Variants in MCRIP1 observed in about 807,000 individuals in gnomAD.
The protein encoded by MCRIP1 is mapk-regulated corepressor-interacting protein 1.
In MCRIP1, 10 loss-of-function variants were observed where a neutral mutation model predicts 14.4. That is an observed-to-expected ratio of 0.70 (90% confidence interval 0.43 to 1.18). The LOEUF (loss-of-function observed/expected upper bound fraction) is 1.18. Ranked by LOEUF, MCRIP1 falls within the 50% of genes most tolerant of loss-of-function variation. MCRIP1 has a pLI of 0.00. For synonymous variants in MCRIP1, 53 were observed against 55.7 expected (o/e 0.95, Z 0.21); for missense variants, 119 against 135.4 (o/e 0.88, Z 0.60).
Position 81,823,692 on chromosome 17 carries a change from C to T in MCRIP1, c.128-179G>A. 2 of 620,232 alleles carry T rather than the reference C, an allele frequency of 3.2e-6. No homozygotes were observed. Among genetic ancestry groups the T allele is most frequent in the Non-Finnish European group, 5.7e-6 (2 of 349,438 alleles). The allele number at this position is 620,232 out of a possible 1,614,324, so 38.4% of individuals were successfully genotyped here. On this transcript the variant is annotated intron_variant, in intron 3 of 4. Coordinates refer to ENST00000455127, the MANE Select transcript of MCRIP1 (RefSeq NM_207368.5). This position sits in a 1 kb window ranked among gnomAD's most constrained non-coding sequence, Gnocchi z 6.0. Reference sequence around the variant, plus strand: ...GCCTCACTCACCTGCAGACCCCGTCCCCGCTCCTCTGGCAGGCCTGTCCCT... The same window carrying T: ...GCCTCACTCACCTGCAGACCCCGTCTCCGCTCCTCTGGCAGGCCTGTCCCT...
At chr17:81,825,537 C>G in intron 1 of MCRIP1, 1 of 1,278,868 alleles carries the variant, frequency 7.8e-7, no homozygotes, top group Non-Finnish European at 1.0e-6. Context: ...CACACGGCTG[C>G]AGCCCTCACA....
At position 81,823,934 on chromosome 17, in the gene MCRIP1, G is replaced by C. The variant is rs1323951716; in HGVS notation, c.127+353C>G. 1.9e-6 allele frequency: 1 copy of C among 513,410 alleles called. No homozygotes were observed. Among genetic ancestry groups the C allele is most frequent in the Non-Finnish European group, 3.4e-6 (1 of 289,858 alleles). The allele number at this position is 513,410 out of a possible 1,614,324, so 31.8% of individuals were successfully genotyped here. On this transcript the variant is annotated intron_variant, in intron 3 of 4. Transcript: ENST00000455127. The surrounding 1 kb of genome is among the most constrained non-coding windows in gnomAD (Gnocchi z 6.0). ...AACACGCCCGTTCATGGCTGGATGC[G>C]TGCCTGTCTGTCTTCAAAGGCCCCT...
Position 81,824,399 on chromosome 17 carries a change from G to A in MCRIP1, c.15C>T (p.Pro5=), listed in dbSNP as rs565570218. The A allele has an allele frequency of 4.9e-5, 75 of 1,533,732 alleles. No homozygotes were observed. In the Admixed American group the frequency reaches 7.7e-4, roughly 16 times the overall value. The change falls in exon 3 of 5, where the codon CCC becomes CCT. Residue 5 remains proline, a synonymous_variant. Coordinates refer to ENST00000455127, the MANE Select transcript of MCRIP1 (RefSeq NM_207368.5). The part of the protein sequence containing the change: MTSS[P]VSRVVYNGKR... ...TGCCGTTGTACACGACTCTGGAGACGGGGGAGCTGGGGGAGCCTGGCGCAT... is the reference window on the plus strand; with the variant it reads ...TGCCGTTGTACACGACTCTGGAGACAGGGGAGCTGGGGGAGCCTGGCGCAT...
chr17:81,827,614 G>T (rs1249719367), intron 1 of MCRIP1, among the ~76,000 whole-genome samples: 1 of 151,744 alleles, frequency 6.6e-6, no homozygotes, highest in East Asian at 2.0e-4. Flanking sequence ...TTTGGCAGGA[G>T]TGATGGCTGA....
At position 81,824,523 on chromosome 17, in the gene MCRIP1, C is replaced by A; in HGVS notation, c.-17G>T. ...CCTGGTCATCGCGGGGGCGTCTGAT[C>A]CTAGCGCTCCACCGCCAGATCCCCT... On this transcript the variant is annotated 5_prime_UTR_variant, in exon 2 of 5. Coordinates refer to ENST00000455127, the MANE Select transcript of MCRIP1 (RefSeq NM_207368.5). 2 of 1,536,032 alleles carry A rather than the reference C, an allele frequency of 1.3e-6. No homozygotes were observed. The highest frequency in any genetic ancestry group is 1.7e-4 in the Middle Eastern group (1 of 5,986).
intron 1 of MCRIP1, chr17:81,826,276 C>A: frequency 1.3e-6 from 2 of 1,534,186 alleles, no homozygotes; most frequent in Non-Finnish European, 1.7e-6. Flanking sequence ...CCTGCACACA[C>A]CTTAGCTGAA....
At chr17:81,827,350 CA>C (rs2038428946) in intron 1 of MCRIP1, among the ~76,000 whole-genome samples, 1 of 151,600 alleles carries the variant, frequency 6.6e-6, no homozygotes, top group Non-Finnish European at 1.5e-5. Context: ...TGGCTCACTG[CA>C]AGCTCCGCCT....
Position 81,824,824 on chromosome 17 carries a change from C to T in MCRIP1, c.-48-270G>A. On this transcript the variant is annotated intron_variant, in intron 1 of 4. Coordinates refer to ENST00000455127, the MANE Select transcript of MCRIP1 (RefSeq NM_207368.5). ...TCAAGCCCGCTCAGCGGCCTTGATC[C>T]TCCACGTCTCAGGCTCAGACGTGGA... 3.7e-6 allele frequency: 5 copies of T among 1,344,416 alleles called. No individual in the cohort carries two copies. The South Asian group carries it at 9.7e-5, about 26-fold the overall frequency. The allele number at this position is 1,344,416 out of a possible 1,614,324, so 83.3% of individuals were successfully genotyped here.
At chr17:81,825,981 C>T (rs1484036054) in intron 1 of MCRIP1, 1 of 1,336,636 alleles carries the variant, frequency 7.5e-7, no homozygotes, top group Non-Finnish European at 9.8e-7. Context: ...CCTGCCTCGC[C>T]CCCTGCTGGC....
At chr17:81,830,978 C>T (rs1345609419) in intron 1 of MCRIP1, among the ~76,000 whole-genome samples, 3 of 151,860 alleles carry the variant, frequency 2.0e-5, no homozygotes, top group Non-Finnish European at 4.4e-5. Flanking sequence ...CCAGCCTGGC[C>T]AACATACAGT....
At chr17:81,825,681 TC>T in intron 1 of MCRIP1, 1 of 1,289,208 alleles carries the variant, frequency 7.8e-7, no homozygotes, top group Non-Finnish European at 1.0e-6. Flanking sequence ...GAAAACCAGC[TC>T]CCAGCCCTGG....
chr17:81,824,351 G>A lies in MCRIP1; in HGVS notation c.63C>T (p.Ser21=). The A allele has an allele frequency of 1.3e-6, 2 of 1,530,166 alleles. No homozygotes were observed. Among genetic ancestry groups the A allele is most frequent in the South Asian group, 1.2e-5 (1 of 83,522 alleles). The allele number at this position is 1,530,166 out of a possible 1,614,324, so 94.8% of individuals were successfully genotyped here. The change falls in exon 3 of 5, where the codon TCC becomes TCT. Residue 21 remains serine (S), a synonymous_variant. Coordinates refer to ENST00000455127, the MANE Select transcript of MCRIP1 (RefSeq NM_207368.5). ...YNGKRTSSPR[S]PPSSSEIFTP... is the part of the protein sequence containing the mutation. Reference sequence around the variant, plus strand: ...TGAAGATCTCGCTGCTGCTGGGTGGGGAGCGGGGGCTGCTGGTCCTCTTGC... The same window carrying A: ...TGAAGATCTCGCTGCTGCTGGGTGGAGAGCGGGGGCTGCTGGTCCTCTTGC...
intron 1 of MCRIP1, chr17:81,826,566 T>A (rs2038401942): frequency 3.4e-6 from 2 of 581,918 alleles, no homozygotes; most frequent in Non-Finnish European, 6.0e-6. Flanking sequence ...ACGCTTGTAA[T>A]CCCAACACTT....
chr17:81,829,825 C>A (rs1464709438), intron 1 of MCRIP1, among the ~76,000 whole-genome samples: 1 of 152,214 alleles, frequency 6.6e-6, no homozygotes, highest in Non-Finnish European at 1.5e-5. Flanking sequence ...TCCAGACACC[C>A]AGCATCAGGA....
intron 1 of MCRIP1, among the ~76,000 whole-genome samples, chr17:81,828,087 TAC>T (rs1262397537): frequency 1.3e-4 from 20 of 152,110 alleles, no homozygotes; most frequent in Admixed American, 4.6e-4. Flanking sequence ...GCTGCACCCA[TAC>T]AGTTTTTTAA....
chr17:81,824,367 G>C lies in MCRIP1; in HGVS notation c.47C>G (p.Thr16Ser). Residue 16 changes from threonine (T) to serine (S), a missense_variant, in exon 3 of 5, where the codon ACC becomes AGC. Physicochemically the swap from Thr to Ser is moderately conservative, Grantham distance 58 (BLOSUM62 1). Coordinates refer to ENST00000455127, the MANE Select transcript of MCRIP1 (RefSeq NM_207368.5). The stretch of plus-strand genomic sequence containing the variant: ...GCTGGGTGGGGAGCGGGGGCTGCTG[G>C]TCCTCTTGCCGTTGTACACGACTCT... The part of the protein sequence containing the change: ...VSRVVYNGKR[T>S]SSPRSPPSSS... The C allele has an allele frequency of 6.5e-7, 1 of 1,536,090 alleles. No homozygotes were observed. Among genetic ancestry groups the C allele is most frequent in the Non-Finnish European group, 8.7e-7 (1 of 1,146,496 alleles).
chr17:81,831,193 A>G (rs2038511140), intron 1 of MCRIP1, among the ~76,000 whole-genome samples: 1 of 150,450 alleles, frequency 6.6e-6, no homozygotes, highest in Non-Finnish European at 1.5e-5. Context: ...AAAAAAAATT[A>G]GCCAGGCATG....
chr17:81,825,529 C>T (rs1287797179), intron 1 of MCRIP1: 1 of 1,271,096 alleles, frequency 7.9e-7, no homozygotes, highest in Non-Finnish European at 1.0e-6. Context: ...CTCCAGGGCA[C>T]ACGGCTGCAG....
intron 1 of MCRIP1, among the ~76,000 whole-genome samples, chr17:81,832,545 G>A (rs1045138121): frequency 3.3e-5 from 5 of 152,198 alleles, no homozygotes; most frequent in African/African-American, 1.2e-4. Flanking sequence ...AGGGCCTTTG[G>A]TCAAGCTGTC....
Sources: allele counts gnomAD v4.1 joint callset (sites outside exome capture counted in the v4.1 genomes callset), GRCh38; gene constraint gnomAD v4.1.1; non-coding constraint Gnocchi (gnomAD v3.1); transcripts MANE v1.5; gene names NCBI Gene and HGNC (gene_info 2026-07-23, HGNC 2026-07-21).